The following SPATA16 variants were observed in gnomAD, a reference collection of about 807,000 sequenced individuals.
The protein encoded by SPATA16 is spermatogenesis-associated protein 16.
In SPATA16, 36 loss-of-function variants were observed where a neutral mutation model predicts 63.3. The ratio of observed to expected loss-of-function variants is 0.57; its 90% CI spans 0.44 to 0.75. The LOEUF is 0.75. Ranked by LOEUF, SPATA16 falls within the 30% of genes least tolerant of loss-of-function variation. The probability of loss-of-function intolerance (pLI) is 0.00; values close to 1 mark genes in which losing one functional copy is unlikely to be tolerated. For missense variants in SPATA16, 646 were observed against 679.3 expected, an observed-to-expected ratio of 0.95 and a Z score of 0.54; for synonymous variants, 203 against 216.7, an observed-to-expected ratio of 0.94 and a Z score of 0.56.
intron 2 of SPATA16, among the ~76,000 whole-genome samples, chr3:173,104,045 A>G (rs1737562626): frequency 1.3e-5 from 2 of 152,168 alleles, no homozygotes; most frequent in East Asian, 1.9e-4. Flanking sequence ...CTTAAGTTCA[A>G]ACTTCCACAG....
intron 5 of SPATA16, among the ~76,000 whole-genome samples, chr3:172,957,136 C>A (rs1451828488): frequency 6.6e-6 from 1 of 152,206 alleles, no homozygotes; most frequent in South Asian, 2.1e-4. Flanking sequence ...AAGTCAAATT[C>A]TTGAGTCTGA....
chr3:173,007,244 TG>T (rs1413834665), intron 4 of SPATA16, among the ~76,000 whole-genome samples: 1 of 152,118 alleles, frequency 6.6e-6, no homozygotes, highest in East Asian at 1.9e-4. Flanking sequence ...TATGCTCACA[TG>T]GGGGAATTAT....
At position 173,019,564 on chromosome 3, in the gene SPATA16, A is replaced by G; in HGVS notation, c.770T>C (p.Leu257Ser). The G allele has an allele frequency of 6.2e-7, 1 of 1,614,004 alleles. No individual in the cohort carries two copies. The highest frequency in any genetic ancestry group is 8.5e-7 in the Non-Finnish European group (1 of 1,179,926). ...ATGATTCCGGAAATAGGCTGGGTTT[A>G]AAACAATGCTCCTGTAAAAAGGTAA... ...ALNHAHRSIVLNPAYFRNHLR... is the reference protein window; with the variant it reads ...ALNHAHRSIVSNPAYFRNHLR... The change falls in exon 4 of 11, where the codon TTA becomes TCA. Residue 257 changes from leucine (L) to serine (S), a missense_variant. Leu to Ser is a moderately radical substitution (Grantham distance 145). Coordinates refer to ENST00000351008, the MANE Select transcript of SPATA16 (RefSeq NM_031955.6).
intron 8 of SPATA16, among the ~76,000 whole-genome samples, chr3:172,920,864 A>C (rs16846256): frequency 6.6e-6 from 1 of 152,144 alleles, no homozygotes; most frequent in African/African-American, 2.4e-5. Context: ...TGGTCATGGT[A>C]TTATGTCAAG....
At chr3:172,891,868 C>T (rs1731901507) in intron 10 of SPATA16, among the ~76,000 whole-genome samples, 1 of 152,154 alleles carries the variant, frequency 6.6e-6, no homozygotes, top group Non-Finnish European at 1.5e-5. Context: ...GTCTCAGTAA[C>T]ATTTTTTCAT....
chr3:172,945,667 C>G (rs1194706017), intron 6 of SPATA16, among the ~76,000 whole-genome samples: 1 of 152,182 alleles, frequency 6.6e-6, no homozygotes, highest in East Asian at 1.9e-4. Flanking sequence ...AGAACCCAGT[C>G]AGCACCCATG....
In SPATA16 at chr3:172,939,524, G is replaced by A. The variant is rs181412626; in HGVS notation, c.1082-14032C>T. ...TCTTATGCAAATGAATAGGTAAAAT[G>A]TGGTGAAGAAAAGGTTATGGAATTT... is the stretch of plus-strand genomic sequence containing the variant. On this transcript the variant is annotated intron_variant, in intron 6 of 10. Transcript: ENST00000351008. Among the ~76,000 whole-genome samples, 219 of 147,872 alleles carry A rather than the reference G, an allele frequency of 1.5e-3. 1 individual carries two copies. Among genetic ancestry groups the A allele is most frequent in the African/African-American group, 5.4e-3 (202 of 37,500 alleles).
At chr3:172,999,612 C>T (rs1168378713) in intron 4 of SPATA16, among the ~76,000 whole-genome samples, 1 of 152,132 alleles carries the variant, frequency 6.6e-6, no homozygotes, top group African/African-American at 2.4e-5. Flanking sequence ...TGGGGTTTCA[C>T]CATGTTGGTC....
At chr3:173,004,620 C>T (rs1037811996) in intron 4 of SPATA16, among the ~76,000 whole-genome samples, 1 of 152,126 alleles carries the variant, frequency 6.6e-6, no homozygotes, top group African/African-American at 2.4e-5. Flanking sequence ...AGTGATTACT[C>T]AACTCATTTG....
rs1731849694 is a variant in SPATA16 at position 172,889,496 on chromosome 3, T to C, written c.*74A>G. On this transcript the variant is annotated 3_prime_UTR_variant, in exon 11 of 11. Coordinates refer to ENST00000351008, the MANE Select transcript of SPATA16 (RefSeq NM_031955.6). ...CTTTTGTTATCCAGCTTCACAGTAC[T>C]AGGTGGGCATTGGAGTGGATGCCCT... The C allele has an allele frequency of 1.3e-6, 2 of 1,599,446 alleles. No homozygotes were observed. The highest frequency in any genetic ancestry group is 1.7e-5 in the Admixed American group (1 of 59,990).
chr3:173,086,134 G>A (rs1737045419), intron 2 of SPATA16, among the ~76,000 whole-genome samples: 1 of 152,080 alleles, frequency 6.6e-6, no homozygotes, highest in African/African-American at 2.4e-5. Flanking sequence ...TGGTACCTCT[G>A]GTAGAATTCA....
chr3:173,006,619 C>G (rs912791416), intron 4 of SPATA16, among the ~76,000 whole-genome samples: 2 of 152,136 alleles, frequency 1.3e-5, no homozygotes, highest in African/African-American at 4.8e-5. Flanking sequence ...ACATAATAAT[C>G]TCATTTAAAA....
intron 2 of SPATA16, among the ~76,000 whole-genome samples, chr3:173,072,470 A>T (rs1372461803): frequency 1.3e-5 from 2 of 152,202 alleles, no homozygotes; most frequent in Non-Finnish European, 2.9e-5. Context: ...GAAGAGACCC[A>T]TTGTGAGATA....
intron 2 of SPATA16, among the ~76,000 whole-genome samples, chr3:173,065,060 ACTGT>A (rs1391971629): frequency 2.0e-5 from 3 of 152,178 alleles, no homozygotes; most frequent in Admixed American, 6.5e-5. Context: ...CTGTTCTGAA[ACTGT>A]CTGTTCTACA....
At chr3:172,985,856 A>G (rs1304353051) in intron 4 of SPATA16, among the ~76,000 whole-genome samples, 1 of 152,210 alleles carries the variant, frequency 6.6e-6, no homozygotes, top group Admixed American at 6.5e-5. Context: ...GGGACAGATT[A>G]TGATAAACCT....
intron 2 of SPATA16, among the ~76,000 whole-genome samples, chr3:173,077,365 A>C (rs1736832135): frequency 6.6e-6 from 1 of 152,222 alleles, no homozygotes; most frequent in Non-Finnish European, 1.5e-5. Context: ...ACTTTAGGAG[A>C]AAAGAGGTAT....
At chr3:172,937,001 A>C (rs1042652193) in intron 6 of SPATA16, among the ~76,000 whole-genome samples, 1 of 152,180 alleles carries the variant, frequency 6.6e-6, no homozygotes, top group Non-Finnish European at 1.5e-5. Flanking sequence ...ACTGGTATCT[A>C]AAGTGGAGGG....
chr3:172,979,714 C>T lies in SPATA16; in HGVS notation c.849-2662G>A, dbSNP rs561279089. On this transcript the variant is annotated intron_variant, in intron 4 of 10. Transcript: ENST00000351008. ...TACATTCTTAAGTGTGCTTTTTCAC[C>T]TGGGGGCTCAAGTCTTTTTTTTAAA... 2.6e-5 allele frequency among the ~76,000 whole-genome samples: 4 copies of T among 152,098 alleles called. No homozygotes were observed. The South Asian group carries it at 8.3e-4, about 32-fold the overall frequency.
chr3:173,115,605 C>A (rs1226751031), intron 2 of SPATA16, among the ~76,000 whole-genome samples: 1 of 151,420 alleles, frequency 6.6e-6, no homozygotes, highest in South Asian at 2.1e-4. Context: ...TGTAGATGAC[C>A]CTTTATGAGA....
Sources: gnomAD v4.1 joint callset for allele counts (sites outside exome capture counted in the v4.1 genomes callset) on GRCh38, gnomAD v4.1.1 for gene constraint, MANE v1.5 for transcripts, NCBI Gene and HGNC (gene_info 2026-07-23, HGNC 2026-07-21) for gene names.